The following DOCK9 variants were observed in gnomAD, a reference collection of about 807,000 sequenced individuals.
DOCK9 encodes the protein dedicator of cytokinesis 9, also known as dedicator of cytokinesis protein 9.
A neutral mutation model predicts 263.3 loss-of-function variants in DOCK9; 89 were observed. That is an observed-to-expected ratio of 0.34 (90% CI 0.28 to 0.40). The LOEUF (loss-of-function observed/expected upper bound fraction) is 0.40, where lower values mean the gene tolerates loss of function less well. DOCK9 is among the 10% of genes least tolerant of loss of function. The pLI is 1.00. For missense variants in DOCK9, 2,140 were observed against 2,603.4 expected (o/e 0.82, Z 3.87); for synonymous variants, 976 against 973.1 (o/e 1.00, Z -0.06).
At chr13:99,055,346 G>A (rs139152282) in intron 1 of DOCK9, among the ~76,000 whole-genome samples, 1 of 152,344 alleles carries the variant, frequency 6.6e-6, no homozygotes, top group East Asian at 1.9e-4. Context: ...GTCCCCATGC[G>A]GTAGCAGGAA....
At chr13:98,839,525 C>G (rs1318601830) in intron 38 of DOCK9, among the ~76,000 whole-genome samples, 35 of 152,250 alleles carry the variant, frequency 2.3e-4, no homozygotes, top group Admixed American at 2.3e-3. Context: ...GGGATCCTTT[C>G]CTGAGGGCTG....
chr13:98,841,822 T>C (rs140485467), intron 38 of DOCK9, among the ~76,000 whole-genome samples: 3,015 of 151,690 alleles, frequency 0.02, 98 homozygotes, highest in African/African-American at 0.069. Flanking sequence ...TATTTGTTTT[T>C]AGTAGAGACG....
chr13:99,046,950 G>C lies in DOCK9; in HGVS notation c.129+39273C>G, dbSNP rs1234851135. Among the ~76,000 whole-genome samples the C allele has an allele frequency of 4.6e-5, 7 of 152,334 alleles. No individual in the cohort carries two copies. The South Asian group carries it at 1.2e-3, about 27-fold the overall frequency. ...CATCTTGACACTTCCTCTCCCATAA[G>C]GATGAGCGTGAAGAGAGCCAAAGTT... On this transcript the variant is annotated intron_variant, in intron 1 of 32. Transcript: ENST00000427887.
intron 1 of DOCK9, among the ~76,000 whole-genome samples, chr13:99,034,426 G>C (rs183774548): frequency 5.1e-4 from 77 of 152,286 alleles, no homozygotes; most frequent in African/African-American, 1.8e-3. Flanking sequence ...TTTCCAAAGA[G>C]AACAATATGT....
At chr13:98,871,006 G>A (rs2142195019) in intron 27 of DOCK9, among the ~76,000 whole-genome samples, 1 of 152,306 alleles carries the variant, frequency 6.6e-6, no homozygotes, top group Middle Eastern at 3.4e-3. Flanking sequence ...TTTAGATCCG[G>A]AAGCAGACAA....
At position 98,886,581 on chromosome 13, in the gene DOCK9, G is replaced by A. The variant is rs1313705404; in HGVS notation, c.2087C>T (p.Ala696Val). 1 of 1,613,800 alleles carries A rather than the reference G, an allele frequency of 6.2e-7. No individual in the cohort carries two copies. The highest frequency in any genetic ancestry group is 1.1e-5 in the South Asian group (1 of 91,058). The change falls in exon 19 of 53, where the codon GCC becomes GTC. Residue 696 changes from alanine to valine, a missense_variant. Ala to Val is a moderately conservative substitution (Grantham distance 64, BLOSUM62 0). Coordinates refer to ENST00000682017, the MANE Select transcript of DOCK9 (RefSeq NM_001366683.2). Reference protein sequence around the residue: ...RPGGPVFTRSAFAAVLHHHQN... With the variant: ...RPGGPVFTRSVFAAVLHHHQN... ...GTGATGGTGTAAAACTGCAGCAAAG[G>A]CGCTTCTTGTGAAAACTGGCCCACC...
intron 45 of DOCK9, among the ~76,000 whole-genome samples, chr13:98,819,104 G>A (rs1282999269): frequency 6.6e-6 from 1 of 152,110 alleles, no homozygotes; most frequent in Non-Finnish European, 1.5e-5. Context: ...TACAGTTGAG[G>A]ACCACTTACA....
intron 1 of DOCK9, among the ~76,000 whole-genome samples, chr13:98,998,338 CT>C (rs1196109298): frequency 2.0e-5 from 3 of 152,206 alleles, no homozygotes; most frequent in Non-Finnish European, 2.9e-5. Flanking sequence ...TCTGCTCACC[CT>C]CTGGGTATCC....
At chr13:98,952,317 CCT>C (rs2057530488) in intron 2 of DOCK9, among the ~76,000 whole-genome samples, 1 of 151,944 alleles carries the variant, frequency 6.6e-6, no homozygotes, top group Non-Finnish European at 1.5e-5. Context: ...CTTACTGCAA[CCT>C]CTGTCTCCTG....
At chr13:98,844,188 G>T (rs1002532463) in intron 38 of DOCK9, among the ~76,000 whole-genome samples, 2 of 152,132 alleles carry the variant, frequency 1.3e-5, no homozygotes, top group Admixed American at 6.5e-5. Flanking sequence ...CAACAGAAAA[G>T]ATGTTAAAAA....
At chr13:98,858,330 T>A (rs549230608) in intron 33 of DOCK9, 1 of 152,254 alleles carries the variant, frequency 6.6e-6, no homozygotes, top group Admixed American at 6.5e-5. Flanking sequence ...ATGAATGTAA[T>A]CTCAGAGTAG....
rs577557358 is a variant in DOCK9, at chr13:98,869,507, G to C, written c.2944-1130C>G. ...GTCTATAAACAGAATAATTTACTGA[G>C]AGCCTGAAGTAGGAAGGATGCTCCA... On this transcript the variant is annotated intron_variant, in intron 27 of 52. Transcript: ENST00000682017. 5.9e-5 allele frequency among the ~76,000 whole-genome samples: 9 copies of C among 152,282 alleles called. No homozygotes were observed. The East Asian group carries it at 1.5e-3, about 26-fold the overall frequency.
At position 98,978,036 on chromosome 13, in the gene DOCK9, C is replaced by G; in HGVS notation, c.-127G>C. On this transcript the variant is annotated 5_prime_UTR_variant, in exon 1 of 53. Transcript: ENST00000682017. ...AACTGGCTTCCCAGGCACAAGTGGT[C>G]AGCCCCGCTGGCTGGGTCTGCAGAG... is the stretch of plus-strand genomic sequence containing the variant. 6.9e-7 allele frequency: 1 copy of G among 1,450,460 alleles called. No individual in the cohort carries two copies. The highest frequency in any genetic ancestry group is 9.0e-7 in the Non-Finnish European group (1 of 1,105,708). 89.8% of individuals were successfully genotyped at this position (1,450,460 alleles called of 1,614,324 possible). A position where few individuals can be genotyped will look rare whatever the true frequency, so the allele number is the denominator to read the frequency against.
intron 1 of DOCK9, among the ~76,000 whole-genome samples, chr13:98,993,736 G>A (rs563286579): frequency 2.0e-5 from 3 of 152,214 alleles, no homozygotes; most frequent in Non-Finnish European, 2.9e-5. Context: ...GCGAGACTCC[G>A]TCTCAAAAAA....
intron 49 of DOCK9, 122 bp downstream of exon 49, chr13:98,804,877 G>T: frequency 2.2e-6 from 2 of 890,746 alleles, no homozygotes; most frequent in African/African-American, 1.7e-5. Flanking sequence ...AAACTGAAAT[G>T]GGTGTGGGGG....
chr13:98,921,433 GA>G (rs1476682822), intron 6 of DOCK9, among the ~76,000 whole-genome samples: 7 of 152,214 alleles, frequency 4.6e-5, no homozygotes, highest in Non-Finnish European at 8.8e-5. Context: ...CTTGCTCACA[GA>G]ATGGGAACTA....
At chr13:99,016,280 T>C (rs1351061269) in intron 1 of DOCK9, among the ~76,000 whole-genome samples, 4 of 152,014 alleles carry the variant, frequency 2.6e-5, no homozygotes, top group Non-Finnish European at 5.9e-5. Flanking sequence ...CTTCAAACAA[T>C]CTTTTGCACG....
At chr13:98,954,113 T>C (rs2057752672) in intron 2 of DOCK9, among the ~76,000 whole-genome samples, 1 of 152,092 alleles carries the variant, frequency 6.6e-6, no homozygotes, top group Non-Finnish European at 1.5e-5. Flanking sequence ...AGTTAAGTCA[T>C]GTTCTGTGGG....
chr13:98,989,808 T>G (rs1879396011), intron 1 of DOCK9, among the ~76,000 whole-genome samples: 1 of 152,120 alleles, frequency 6.6e-6, no homozygotes, highest in Non-Finnish European at 1.5e-5. Flanking sequence ...AAAAGAAAAT[T>G]TTATATAGGG....
Sources: gnomAD v4.1 joint callset for allele counts (sites outside exome capture counted in the v4.1 genomes callset) on GRCh38, gnomAD v4.1.1 for gene constraint, MANE v1.5 for transcripts, NCBI Gene and HGNC (gene_info 2026-07-23, HGNC 2026-07-21) for gene names.